SLC1A2: variants seen among roughly 807,000 people sequenced by gnomAD.
The protein encoded by SLC1A2 is excitatory amino acid transporter 2.
SLC1A2 carries 15 observed loss-of-function variants against 48.8 expected under a neutral mutation model. That is an observed-to-expected ratio of 0.31 (90% confidence interval 0.21 to 0.47). The LOEUF (loss-of-function observed/expected upper bound fraction) is 0.47. Among genes scored for constraint, SLC1A2 ranks in the 20% least tolerant of loss-of-function variants. SLC1A2 has a pLI of 0.99. For synonymous variants in SLC1A2, 279 were observed against 272.6 expected (o/e 1.02, Z -0.23); for missense variants, 502 against 730.5 (o/e 0.69, Z 3.61).
At chr11:35,402,057 T>C (rs1855154929) in intron 1 of SLC1A2, among the ~76,000 whole-genome samples, 1 of 152,194 alleles carries the variant, frequency 6.6e-6, no homozygotes. Context: ...ACTCGTTGCT[T>C]GGGGAGACTT....
intron 1 of SLC1A2, among the ~76,000 whole-genome samples, chr11:35,397,392 G>A (rs1371939516): frequency 6.9e-6 from 1 of 144,320 alleles, no homozygotes; most frequent in Non-Finnish European, 1.5e-5. Context: ...ACAACTATCT[G>A]ATCTTTGACA....
chr11:35,380,582 C>T, intron 1 of SLC1A2: 1 of 395,302 alleles, frequency 2.5e-6, no homozygotes, highest in Non-Finnish European at 4.5e-6. Flanking sequence ...GTTTGTCTCC[C>T]TCTTTCCCTT....
intron 1 of SLC1A2, chr11:35,390,890 T>G (rs1006317852): frequency 6.6e-6 from 1 of 152,250 alleles, no homozygotes; most frequent in Non-Finnish European, 1.5e-5. Flanking sequence ...GGTCTGGAAC[T>G]CCTGACCTCA....
At chr11:35,295,639 G>C (rs1464568840) in intron 6 of SLC1A2, among the ~76,000 whole-genome samples, 4 of 152,196 alleles carry the variant, frequency 2.6e-5, no homozygotes, top group Admixed American at 6.5e-5. Context: ...TGGAGAGCCT[G>C]GGGAGAGGGA....
chr11:35,331,917 C>T lies in SLC1A2; in HGVS notation c.18-14401G>A, dbSNP rs776848578. On this transcript the variant is annotated intron_variant, in intron 1 of 10. Coordinates refer to ENST00000278379, the MANE Select transcript of SLC1A2 (RefSeq NM_004171.4). ...AAGGGCCATACATCTATCCCTGGGC[C>T]CTGTCCATGTTAGGTGTTTAATAAG... 7.2e-5 allele frequency among the ~76,000 whole-genome samples: 11 copies of T among 152,106 alleles called. 1 individual carries two copies. In the South Asian group the frequency reaches 1.0e-3, roughly 14 times the overall value.
rs550322895 is a variant in SLC1A2, at chr11:35,282,862, C to T, written c.1287-1861G>A. Among the ~76,000 whole-genome samples, 6 of 152,290 alleles carry T rather than the reference C, an allele frequency of 3.9e-5. No individual in the cohort carries two copies. In the East Asian group the frequency reaches 7.7e-4, roughly 20 times the overall value. On this transcript the variant is annotated intron_variant, in intron 8 of 10. Coordinates refer to ENST00000278379, the MANE Select transcript of SLC1A2 (RefSeq NM_004171.4). ...CCTCTTGTCCCTAATAATACCCTCA[C>T]CCTCCGGTAGGCACTGTCTCTGTGT...
chr11:35,260,118 C>G lies in SLC1A2; in HGVS notation c.*776G>C, dbSNP rs1000068909. ...GGTTAAACTTTATGTTGACTGTGCT[C>G]TCTTACTTTTGTCAATATCTACAGT... On this transcript the variant is annotated 3_prime_UTR_variant, in exon 11 of 11. Coordinates refer to ENST00000278379, the MANE Select transcript of SLC1A2 (RefSeq NM_004171.4). 1 of 152,152 alleles carries G rather than the reference C, an allele frequency of 6.6e-6. No homozygotes were observed. Among genetic ancestry groups the G allele is most frequent in the Non-Finnish European group, 1.5e-5 (1 of 68,026 alleles). The allele number at this position is 152,152 out of a possible 1,614,324, so 9.4% of individuals were successfully genotyped here. A position where few individuals can be genotyped will look rare whatever the true frequency, so the allele number is the denominator to read the frequency against.
chr11:35,395,754 C>A (rs1338644635), intron 1 of SLC1A2, among the ~76,000 whole-genome samples: 1 of 147,266 alleles, frequency 6.8e-6, no homozygotes, highest in Non-Finnish European at 1.5e-5. Flanking sequence ...TATACATGTG[C>A]CGTGCTGGTG....
chr11:35,344,606 C>T (rs1053922892), intron 1 of SLC1A2, among the ~76,000 whole-genome samples: 1 of 152,206 alleles, frequency 6.6e-6, no homozygotes, highest in South Asian at 2.1e-4. Flanking sequence ...ATCCTTTGTT[C>T]TACTCCAACC....
chr11:35,369,599 C>T (rs1288343806), intron 1 of SLC1A2, among the ~76,000 whole-genome samples: 1 of 152,238 alleles, frequency 6.6e-6, no homozygotes, highest in Non-Finnish European at 1.5e-5. Flanking sequence ...CACATGAGAT[C>T]GTCACACCTA....
In SLC1A2 at chr11:35,259,421, A is replaced by G. The variant is rs1950361652; in HGVS notation, c.*1473T>C. On this transcript the variant is annotated 3_prime_UTR_variant, in exon 11 of 11. Transcript: ENST00000278379. ...TACTCCCAAACCCAGCAACCTTAGGAAAATACTGTGCGTTATTCAATAAAA... is the reference window on the plus strand; with the variant it reads ...TACTCCCAAACCCAGCAACCTTAGGGAAATACTGTGCGTTATTCAATAAAA... The G allele has an allele frequency of 1.3e-5, 2 of 152,684 alleles. No homozygotes were observed. Among genetic ancestry groups the G allele is most frequent in the African/African-American group, 4.8e-5 (2 of 41,470 alleles). The allele number at this position is 152,684 out of a possible 1,614,324, so 9.5% of individuals were successfully genotyped here.
chr11:35,268,191 C>T (rs900294040), intron 9 of SLC1A2, among the ~76,000 whole-genome samples: 3 of 152,118 alleles, frequency 2.0e-5, no homozygotes, highest in African/African-American at 4.8e-5. Context: ...TTTACATATA[C>T]AATACCTTTG....
intron 1 of SLC1A2, among the ~76,000 whole-genome samples, chr11:35,374,904 T>C (rs1590243410): frequency 6.6e-6 from 1 of 152,342 alleles, no homozygotes; most frequent in East Asian, 1.9e-4. Flanking sequence ...ATCGTACATG[T>C]GTATAGTCAG....
At chr11:35,266,818 C>G (rs1388538122) in intron 9 of SLC1A2, among the ~76,000 whole-genome samples, 1 of 152,208 alleles carries the variant, frequency 6.6e-6, no homozygotes, top group Non-Finnish European at 1.5e-5. Flanking sequence ...AAAGCGGAAA[C>G]TTTAATTTGT....
At chr11:35,286,156 A>T (rs564182184) in intron 8 of SLC1A2, 1 of 152,368 alleles carries the variant, frequency 6.6e-6, no homozygotes, top group South Asian at 2.1e-4. Context: ...CTGAATTTTT[A>T]AAATGATGAA....
chr11:35,289,976 G>A (rs899403719), intron 7 of SLC1A2, among the ~76,000 whole-genome samples: 17 of 152,138 alleles, frequency 1.1e-4, no homozygotes, highest in African/African-American at 3.4e-4. Context: ...CAAGGCAGGC[G>A]AAAGGGGAGG....
chr11:35,311,111 A>G (rs572800179), intron 4 of SLC1A2, among the ~76,000 whole-genome samples: 26 of 152,326 alleles, frequency 1.7e-4, no homozygotes, highest in African/African-American at 6.3e-4. Context: ...AAAAAGTCAG[A>G]TGTAACGTTT....
intron 1 of SLC1A2, among the ~76,000 whole-genome samples, chr11:35,318,807 C>T (rs1851964624): frequency 6.6e-6 from 1 of 152,284 alleles, no homozygotes; most frequent in Non-Finnish European, 1.5e-5. Context: ...AACTTCATGA[C>T]AAGGATGACA....
At chr11:35,398,008 G>T (rs910214019) in intron 1 of SLC1A2, among the ~76,000 whole-genome samples, 1 of 152,206 alleles carries the variant, frequency 6.6e-6, no homozygotes, top group Non-Finnish European at 1.5e-5. Context: ...CAGAAGGATT[G>T]CTGGTCCAGC....
Sources: allele counts gnomAD v4.1 joint callset (sites outside exome capture counted in the v4.1 genomes callset), GRCh38; gene constraint gnomAD v4.1.1; transcripts MANE v1.5; gene names NCBI Gene and HGNC (gene_info 2026-07-23, HGNC 2026-07-21).